GFPT1: variants seen among roughly 807,000 people sequenced by gnomAD.
GFPT1 encodes glutamine--fructose-6-phosphate aminotransferase [isomerizing] 1.
GFPT1 carries 40 observed loss-of-function variants against 92.0 expected under a neutral mutation model. That is an observed-to-expected ratio of 0.43 (90% CI 0.34 to 0.57). GFPT1 has a LOEUF of 0.57. GFPT1 is among the 20% of genes least tolerant of loss of function. GFPT1 has a pLI of 0.02. For missense variants in GFPT1, 448 were observed against 869.1 expected (o/e 0.52, Z 6.09); for synonymous variants, 269 against 280.6 (o/e 0.96, Z 0.41).
In GFPT1 at chr2:69,319,868, C is replaced by G. The variant is rs1211832949; in HGVS notation, c.*6321G>C. On this transcript the variant is annotated 3_prime_UTR_variant, in exon 20 of 20. Coordinates refer to ENST00000357308, the MANE Select transcript of GFPT1 (RefSeq NM_001244710.2). The stretch of plus-strand genomic sequence containing the variant: ...ATATGCTTGATATTTCAAAACAATT[C>G]TACATACAAAGTACAATAGGAAAAA... The G allele has an allele frequency of 2.6e-5, 4 of 152,122 alleles. No individual in the cohort carries two copies. Among genetic ancestry groups the G allele is most frequent in the Non-Finnish European group, 2.9e-5 (2 of 68,028 alleles). 9.4% of individuals were successfully genotyped at this position (152,122 alleles called of 1,614,324 possible). A position where few individuals can be genotyped will look rare whatever the true frequency, so the allele number is the denominator to read the frequency against.
intron 1 of GFPT1, among the ~76,000 whole-genome samples, chr2:69,381,202 C>T (rs1054337575): frequency 3.3e-5 from 5 of 152,298 alleles, no homozygotes; most frequent in Middle Eastern, 3.4e-3. Flanking sequence ...AGGCTGGTCT[C>T]GAACTCCTGA....
chr2:69,343,654 C>T (rs4410327), intron 12 of GFPT1, among the ~76,000 whole-genome samples: 73,318 of 151,568 alleles, frequency 0.48, 18,374 homozygotes, highest in African/African-American at 0.63. Flanking sequence ...TCAAGTAATC[C>T]ACCCACCTTG....
chr2:69,367,444 T>C (rs944751880), intron 3 of GFPT1, among the ~76,000 whole-genome samples: 1 of 152,150 alleles, frequency 6.6e-6, no homozygotes, highest in African/African-American at 2.4e-5. Context: ...CACTGCAACC[T>C]CCGCCTCCTG....
rs773028591 is a variant in GFPT1, at chr2:69,356,585, C to T, written c.544-28G>A. The stretch of plus-strand genomic sequence containing the variant: ...AGGGAGGGAAAAAAATCCATTAGCA[C>T]TATTTAATCAATTATCAAGTCAGAA... On this transcript the variant is annotated intron_variant, in intron 6 of 19. Transcript: ENST00000357308. 3.2e-5 allele frequency: 49 copies of T among 1,537,960 alleles called. 1 individual carries two copies. In the South Asian group the frequency reaches 5.2e-4, roughly 16 times the overall value.
At chr2:69,330,303 C>T (rs1185522433) in intron 15 of GFPT1, among the ~76,000 whole-genome samples, 1 of 152,158 alleles carries the variant, frequency 6.6e-6, no homozygotes, top group African/African-American at 2.4e-5. Context: ...AATGACTCAA[C>T]CTTTATTTCT....
rs1670408691 is a variant in GFPT1 at position 69,321,823 on chromosome 2, AT to A, written c.*4365del. The A allele has an allele frequency of 6.6e-6, 1 of 152,222 alleles. No homozygotes were observed. Among genetic ancestry groups the A allele is most frequent in the Admixed American group, 6.5e-5 (1 of 15,286 alleles). The allele number at this position is 152,222 out of a possible 1,614,324, so 9.4% of individuals were successfully genotyped here. ...AAAGGTAATTTGAGAATTTCCAAAG[AT>A]GTTCTCGCTAGCCATTATTTATGGT... On this transcript the variant is annotated 3_prime_UTR_variant, in exon 20 of 20. Coordinates refer to ENST00000357308, the MANE Select transcript of GFPT1 (RefSeq NM_001244710.2).
rs112576531 is a variant in GFPT1, at chr2:69,329,569, G to A, written c.1597+115C>T. 76 of 958,720 alleles carry A rather than the reference G, an allele frequency of 7.9e-5. No homozygotes were observed. The African/African-American group carries it at 9.4e-4, about 12-fold the overall frequency. 59.4% of individuals were successfully genotyped at this position (958,720 alleles called of 1,614,324 possible). A position where few individuals can be genotyped will look rare whatever the true frequency, so the allele number is the denominator to read the frequency against. ...ATTTTTTTAATACATCGGAGCAAAC[G>A]TAGAAAGATCTTATTGACTAAATAG... On this transcript the variant is annotated intron_variant, in intron 16 of 19. Coordinates refer to ENST00000357308, the MANE Select transcript of GFPT1 (RefSeq NM_001244710.2).
Position 69,365,419 on chromosome 2 carries a change from C to G in GFPT1, c.224-1749G>C, listed in dbSNP as rs191161553. Reference sequence around the variant, plus strand: ...CCCAGGAAGGGGAAGCTGCAGTGAGCTGAGATCATGCCACTGCCCTCCAGC... The same window carrying G: ...CCCAGGAAGGGGAAGCTGCAGTGAGGTGAGATCATGCCACTGCCCTCCAGC... On this transcript the variant is annotated intron_variant, in intron 3 of 19. Coordinates refer to ENST00000357308, the MANE Select transcript of GFPT1 (RefSeq NM_001244710.2). Among the ~76,000 whole-genome samples the G allele has an allele frequency of 2.0e-5, 3 of 152,330 alleles. No individual in the cohort carries two copies. In the East Asian group the frequency reaches 5.8e-4, roughly 29 times the overall value.
Position 69,387,195 on chromosome 2 carries a change from G to C in GFPT1, c.-124C>G, listed in dbSNP as rs929119490. The C allele has an allele frequency of 4.5e-6, 5 of 1,108,708 alleles. No homozygotes were observed. The highest frequency in any genetic ancestry group is 2.9e-5 in the Admixed American group (1 of 34,848). 68.7% of individuals were successfully genotyped at this position (1,108,708 alleles called of 1,614,324 possible). Reference sequence around the variant, plus strand: ...GGGGTGGCGCCGACACGACTCCCTCGGGGATGCGACGGCCAAGGCAACGAC... The same window carrying C: ...GGGGTGGCGCCGACACGACTCCCTCCGGGATGCGACGGCCAAGGCAACGAC... On this transcript the variant is annotated 5_prime_UTR_variant, in exon 1 of 20. Transcript: ENST00000357308.
At position 69,321,856 on chromosome 2, in the gene GFPT1, A is replaced by G. The variant is rs1472516448; in HGVS notation, c.*4333T>C. On this transcript the variant is annotated 3_prime_UTR_variant, in exon 20 of 20. Transcript: ENST00000357308. ...GCTAGCCATTATTTATGGTAATTAC[A>G]TAACATTTTGATGTCAAGTTATTAC... is the stretch of plus-strand genomic sequence containing the variant. 6.6e-6 allele frequency: 1 copy of G among 152,232 alleles called. No individual in the cohort carries two copies. Among genetic ancestry groups the G allele is most frequent in the African/African-American group, 2.4e-5 (1 of 41,472 alleles). The allele number at this position is 152,232 out of a possible 1,614,324, so 9.4% of individuals were successfully genotyped here. A position where few individuals can be genotyped will look rare whatever the true frequency, so the allele number is the denominator to read the frequency against.
chr2:69,327,595 C>T (rs1670561252), intron 18 of GFPT1, among the ~76,000 whole-genome samples: 1 of 152,076 alleles, frequency 6.6e-6, no homozygotes, highest in South Asian at 2.1e-4. Context: ...CCTCAGTCCC[C>T]AGAGTAGCTG....
intron 15 of GFPT1, among the ~76,000 whole-genome samples, chr2:69,331,014 A>G (rs1670650718): frequency 6.6e-6 from 1 of 152,204 alleles, no homozygotes; most frequent in South Asian, 2.1e-4. Flanking sequence ...AGCTTGAACT[A>G]AAAGACAATT....
chr2:69,367,035 A>C (rs192619643), intron 3 of GFPT1, among the ~76,000 whole-genome samples: 2 of 152,380 alleles, frequency 1.3e-5, no homozygotes, highest in African/African-American at 4.8e-5. Context: ...TAAAATGTAA[A>C]AAATCAGTGT....
At chr2:69,327,210 G>C in intron 18 of GFPT1, 135 bp from the exon 19 acceptor site, 1 of 762,838 alleles carries the variant, frequency 1.3e-6, no homozygotes, top group East Asian at 2.6e-5. Flanking sequence ...TTCCTGTGTA[G>C]TAAATCTGAT....
At chr2:69,349,076 A>G (rs1671150414) in intron 10 of GFPT1, among the ~76,000 whole-genome samples, 1 of 152,206 alleles carries the variant, frequency 6.6e-6, no homozygotes, top group Non-Finnish European at 1.5e-5. Context: ...TCCCTTAAAG[A>G]AATTTACCCA....
intron 6 of GFPT1, among the ~76,000 whole-genome samples, chr2:69,357,210 G>A (rs984137740): frequency 2.6e-5 from 4 of 152,060 alleles, no homozygotes; most frequent in East Asian, 1.9e-4. Flanking sequence ...TCAGAGGAAC[G>A]ACAGAATTAG....
Position 69,380,765 on chromosome 2 carries a change from TG to T in GFPT1, c.7+6299del, listed in dbSNP as rs1426585937. On this transcript the variant is annotated intron_variant, in intron 1 of 19. Coordinates refer to ENST00000357308, the MANE Select transcript of GFPT1 (RefSeq NM_001244710.2). ...CTCTGAGCATCTCTACACTGAACTA[TG>T]ACAGCCAAGGAGAACTCATCTATCC... 2.0e-5 allele frequency among the ~76,000 whole-genome samples: 3 copies of T among 152,288 alleles called. No individual in the cohort carries two copies. The East Asian group carries it at 5.8e-4, about 29-fold the overall frequency.
At chr2:69,346,359 C>A (rs1239180297) in intron 11 of GFPT1, among the ~76,000 whole-genome samples, 1 of 152,146 alleles carries the variant, frequency 6.6e-6, no homozygotes, top group Non-Finnish European at 1.5e-5. Flanking sequence ...CTGCCTCAGC[C>A]TCCTGAGTAG....
In GFPT1 at chr2:69,328,262, C is replaced by T. The variant is rs1670579554; in HGVS notation, c.1893+9G>A. On this transcript the variant is annotated intron_variant, in intron 18 of 19. Transcript: ENST00000357308. Reference sequence around the variant, plus strand: ...ATCCCCAAGGTGTTCTCACAGTCCCCCGACTTACCTGCCGAGCAACCACTT... The same window carrying T: ...ATCCCCAAGGTGTTCTCACAGTCCCTCGACTTACCTGCCGAGCAACCACTT... 6.2e-7 allele frequency: 1 copy of T among 1,611,024 alleles called. No homozygotes were observed. The highest frequency in any genetic ancestry group is 1.1e-5 in the South Asian group (1 of 91,000).
Sources: allele counts gnomAD v4.1 joint callset (sites outside exome capture counted in the v4.1 genomes callset), GRCh38; gene constraint gnomAD v4.1.1; transcripts MANE v1.5; gene names NCBI Gene and HGNC (gene_info 2026-07-23, HGNC 2026-07-21).